The following SLC17A6 variants were observed in gnomAD, a reference collection of about 807,000 sequenced individuals.
SLC17A6 encodes vesicular glutamate transporter 2.
A neutral mutation model predicts 67.1 loss-of-function variants in SLC17A6; 35 were observed. That is an observed-to-expected ratio of 0.52 (90% CI 0.40 to 0.69). The LOEUF (loss-of-function observed/expected upper bound fraction) is 0.69, where lower values mean the gene tolerates loss of function less well. Among genes scored for constraint, SLC17A6 ranks in the 30% least tolerant of loss-of-function variants. SLC17A6 has a pLI of 0.00. For missense variants in SLC17A6, 588 were observed against 723.9 expected (o/e 0.81, Z 2.15); for synonymous variants, 285 against 252.3 (o/e 1.13, Z -1.23).
Position 22,362,828 on chromosome 11 carries a change from A to G in SLC17A6, c.748+3A>G. 1 of 1,611,568 alleles carries G rather than the reference A, an allele frequency of 6.2e-7. No individual in the cohort carries two copies. The highest frequency in any genetic ancestry group is 8.5e-7 in the Non-Finnish European group (1 of 1,177,838). ...GTCTTCAGTGTTTTATGTCTACGGT[A>G]TGTTATATTTCTATGCAATAGAGTT... On this transcript the variant is annotated splice_donor_region_variant and intron_variant, in intron 6 of 11. Transcript: ENST00000263160.
rs868320234 is a variant in SLC17A6, at chr11:22,339,119, A to T, written c.86+500A>T. ...TATATATATGTTATATATATATGTTATATATATATGTTATATATATATGTT... is the reference window on the plus strand; with the variant it reads ...TATATATATGTTATATATATATGTTTTATATATATGTTATATATATATGTT... On this transcript the variant is annotated intron_variant, in intron 1 of 11. Transcript: ENST00000263160. 1.6e-3 allele frequency among the ~76,000 whole-genome samples: 116 copies of T among 74,330 alleles called. 5 individuals carry two copies. Among genetic ancestry groups the T allele is most frequent in the African/African-American group, 5.4e-3 (93 of 17,336 alleles). 48.8% of individuals were successfully genotyped at this position (74,330 alleles called of 152,430 possible).
Position 22,354,078 on chromosome 11 carries a change from AT to A in SLC17A6, c.459-5327del, listed in dbSNP as rs201395781. Among the ~76,000 whole-genome samples, 549 of 149,634 alleles carry A rather than the reference AT, an allele frequency of 3.7e-3. 7 individuals are homozygous for A. The East Asian group carries it at 0.069, about 19-fold the overall frequency. On this transcript the variant is annotated intron_variant, in intron 3 of 11. Coordinates refer to ENST00000263160, the MANE Select transcript of SLC17A6 (RefSeq NM_020346.3). ...GAAACTACTGTGCTAAACAATTTAT[AT>A]TTTTTTTCTTCTTTTTTTTTTGAGA...
At chr11:22,376,477 G>T in intron 10 of SLC17A6, 68 bp from the exon 11 acceptor site, 1 of 1,569,924 alleles carries the variant, frequency 6.4e-7, no homozygotes, top group Non-Finnish European at 8.7e-7. Context: ...TGTGATGTGT[G>T]GTTCTATAGG....
At chr11:22,362,602 G>T in intron 5 of SLC17A6, 137 bp from the exon 6 acceptor site, 1 of 675,930 alleles carries the variant, frequency 1.5e-6, no homozygotes, top group Non-Finnish European at 2.7e-6. Flanking sequence ...TTTGGTGATG[G>T]AGGGTATGTG....
intron 7 of SLC17A6, 138 bp downstream of exon 7, chr11:22,365,827 T>C: frequency 1.1e-6 from 1 of 885,532 alleles, no homozygotes; most frequent in Non-Finnish European, 1.7e-6. Flanking sequence ...GGTCCATCCA[T>C]ATTCTCTGAC....
intron 8 of SLC17A6, among the ~76,000 whole-genome samples, chr11:22,373,230 G>A (rs189288230): frequency 2.2e-4 from 33 of 152,254 alleles, no homozygotes; most frequent in African/African-American, 6.7e-4. Context: ...AATGAAAGTC[G>A]TTTATGTGGA....
chr11:22,373,200 T>A (rs1856193616), intron 8 of SLC17A6, among the ~76,000 whole-genome samples: 1 of 152,188 alleles, frequency 6.6e-6, no homozygotes, highest in African/African-American at 2.4e-5. Flanking sequence ...ACTTTTCAGA[T>A]GTATTAAATA....
intron 1 of SLC17A6, among the ~76,000 whole-genome samples, chr11:22,338,885 G>A (rs10833746): frequency 0.62 from 91,201 of 147,892 alleles, 29,476 homozygotes; most frequent in East Asian, 0.82. Flanking sequence ...CAGAGTTTTT[G>A]TCCTTTACTA....
Position 22,374,802 on chromosome 11 carries a change from G to A in SLC17A6, c.1089G>A (p.Val363=). The part of the protein sequence containing the change: ...AVPHLVMTII[V]PIGGQIADFL... ...CACACTTAGTAATGACAATTATTGT[G>A]CCTATTGGGGGACAAATTGCAGATT... The change falls in exon 9 of 12, where the codon GTG becomes GTA. Residue 363 remains valine (V), a synonymous_variant. Coordinates refer to ENST00000263160, the MANE Select transcript of SLC17A6 (RefSeq NM_020346.3). 6.2e-7 allele frequency: 1 copy of A among 1,613,498 alleles called. No individual in the cohort carries two copies. Among genetic ancestry groups the A allele is most frequent in the Non-Finnish European group, 8.5e-7 (1 of 1,179,780 alleles).
At chr11:22,359,869 A>G (rs988331657) in intron 4 of SLC17A6, among the ~76,000 whole-genome samples, 2 of 152,136 alleles carry the variant, frequency 1.3e-5, no homozygotes, top group South Asian at 2.1e-4. Flanking sequence ...ATGAATTAGT[A>G]TCTTGGGAGT....
chr11:22,357,281 G>A (rs568146553), intron 3 of SLC17A6, among the ~76,000 whole-genome samples: 1 of 152,252 alleles, frequency 6.6e-6, no homozygotes, highest in South Asian at 2.1e-4. Context: ...GGAGTTTATG[G>A]CATGTGAAGC....
At chr11:22,339,823 A>C (rs993543979) in intron 1 of SLC17A6, among the ~76,000 whole-genome samples, 1 of 152,110 alleles carries the variant, frequency 6.6e-6, no homozygotes, top group Admixed American at 6.5e-5. Context: ...CTACCATGGA[A>C]AGGGATGTTC....
At position 22,377,890 on chromosome 11, in the gene SLC17A6, T is replaced by C; in HGVS notation, c.*150T>C. On this transcript the variant is annotated 3_prime_UTR_variant, in exon 12 of 12. Transcript: ENST00000263160. ...TGAAAACAAAACAAACCCATGAGGT[T>C]ACCATCAAGTGCAATCTGTAAAATT... 1 of 621,770 alleles carries C rather than the reference T, an allele frequency of 1.6e-6. No individual in the cohort carries two copies. The highest frequency in any genetic ancestry group is 2.8e-6 in the Non-Finnish European group (1 of 363,432). 38.5% of individuals were successfully genotyped at this position (621,770 alleles called of 1,614,324 possible).
In SLC17A6 at chr11:22,365,974, A is replaced by G. The variant is rs145047188; in HGVS notation, c.891+285A>G. Reference sequence around the variant, plus strand: ...ATTTTTAAACAGTTCAATATGGTCTATATTTAAACAAATACAATAAATAGT... The same window carrying G: ...ATTTTTAAACAGTTCAATATGGTCTGTATTTAAACAAATACAATAAATAGT... On this transcript the variant is annotated intron_variant, in intron 7 of 11. Transcript: ENST00000263160. 2.6e-5 allele frequency among the ~76,000 whole-genome samples: 4 copies of G among 152,292 alleles called. No individual in the cohort carries two copies. The East Asian group carries it at 7.7e-4, about 29-fold the overall frequency.
intron 3 of SLC17A6, among the ~76,000 whole-genome samples, chr11:22,352,377 T>C (rs1855949897): frequency 6.6e-6 from 1 of 152,214 alleles, no homozygotes; most frequent in Admixed American, 6.5e-5. Context: ...CTAGAATTGA[T>C]AGGATACCCA....
intron 3 of SLC17A6, 103 bp from the exon 4 acceptor site, chr11:22,359,310 A>AT (rs1001455424): frequency 1.9e-5 from 12 of 615,568 alleles, no homozygotes; most frequent in South Asian, 5.8e-5. Flanking sequence ...ATTATTGGCG[A>AT]TTTTTTTATT....
intron 3 of SLC17A6, among the ~76,000 whole-genome samples, chr11:22,347,497 A>C (rs1194830040): frequency 1.7e-5 from 1 of 59,634 alleles, no homozygotes. Context: ...ATGAAATCTT[A>C]ACTTTCGGGA....
At chr11:22,349,896 C>T (rs1223937728) in intron 3 of SLC17A6, among the ~76,000 whole-genome samples, 2 of 152,256 alleles carry the variant, frequency 1.3e-5, no homozygotes, top group Non-Finnish European at 2.9e-5. Context: ...TGCAGACCCT[C>T]CAGGAAAGAA....
At chr11:22,358,345 T>C (rs1214150752) in intron 3 of SLC17A6, among the ~76,000 whole-genome samples, 2 of 152,238 alleles carry the variant, frequency 1.3e-5, no homozygotes, top group Admixed American at 1.3e-4. Context: ...TGTTTGTTTT[T>C]TGAGACAGAA....
Sources: gnomAD v4.1 joint callset for allele counts (sites outside exome capture counted in the v4.1 genomes callset) on GRCh38, gnomAD v4.1.1 for gene constraint, MANE v1.5 for transcripts, NCBI Gene and HGNC (gene_info 2026-07-23, HGNC 2026-07-21) for gene names.